The following KANK1 variants were observed in gnomAD, a reference collection of about 807,000 sequenced individuals.
The protein encoded by KANK1 is KN motif and ankyrin repeat domain-containing protein 1.
In KANK1, 109 loss-of-function variants were observed where a neutral mutation model predicts 106.2. That is an observed-to-expected ratio of 1.03 (90% confidence interval 0.88 to 1.20). KANK1 has a LOEUF of 1.20. Ranked by LOEUF, KANK1 falls within the 50% of genes most tolerant of loss-of-function variation. The pLI, the probability that KANK1 is intolerant of heterozygous loss-of-function variation, is 0.00. For synonymous variants in KANK1, 873 were observed against 652.2 expected (o/e 1.34, Z -5.16); for missense variants, 2,399 against 1,710.7 (o/e 1.40, Z -7.10).
intron 1 of KANK1, among the ~76,000 whole-genome samples, chr9:511,883 GT>G (rs1375681876): frequency 6.6e-6 from 1 of 152,080 alleles, no homozygotes; most frequent in Non-Finnish European, 1.5e-5. Flanking sequence ...GTTTTATGGT[GT>G]TTTGGATTCT....
At chr9:665,174 A>C (rs1172612522) in intron 1 of KANK1, among the ~76,000 whole-genome samples, 1 of 152,130 alleles carries the variant, frequency 6.6e-6, no homozygotes, top group Non-Finnish European at 1.5e-5. Flanking sequence ...AGCTTGATGT[A>C]ATCCCATTTG....
intron 2 of KANK1, among the ~76,000 whole-genome samples, chr9:682,954 A>G (rs1458243204): frequency 6.6e-6 from 1 of 152,138 alleles, no homozygotes; most frequent in Non-Finnish European, 1.5e-5. Context: ...CGTTTCTCAA[A>G]CAGAACTCTG....
chr9:676,933 C>G lies in KANK1; in HGVS notation c.-40C>G, dbSNP rs1816533217. On this transcript the variant is annotated 5_prime_UTR_variant, in exon 2 of 12. Transcript: ENST00000382297. The stretch of plus-strand genomic sequence containing the variant: ...CTTGATGCATAAAATTTGCATGACT[C>G]CTCACTCCTTTCTGGATCTCTCATT... 1 of 1,594,376 alleles carries G rather than the reference C, an allele frequency of 6.3e-7. No individual in the cohort carries two copies. Among genetic ancestry groups the G allele is most frequent in the Non-Finnish European group, 8.6e-7 (1 of 1,164,278 alleles).
chr9:557,935 G>T (rs1587794492), intron 1 of KANK1, among the ~76,000 whole-genome samples: 1 of 152,274 alleles, frequency 6.6e-6, no homozygotes, highest in African/African-American at 2.4e-5. Context: ...AGCCTGGGTG[G>T]TTGAGGCTAC....
chr9:597,911 C>T (rs1407823259), intron 1 of KANK1, among the ~76,000 whole-genome samples: 3 of 151,466 alleles, frequency 2.0e-5, no homozygotes, highest in Non-Finnish European at 2.9e-5. Context: ...GTGATCCACC[C>T]GCCTCAGCCT....
At position 542,844 on chromosome 9, in the gene KANK1, A is replaced by C. The variant is rs1048814272; in HGVS notation, c.-84+38090A>C. ...TTATATGTGGTATCCAAGAAAGTCAAACTCTCACAGAAGCTGAGAGCGGAG... is the reference window on the plus strand; with the variant it reads ...TTATATGTGGTATCCAAGAAAGTCACACTCTCACAGAAGCTGAGAGCGGAG... On this transcript the variant is annotated intron_variant, in intron 1 of 11. Coordinates refer to ENST00000382297, the MANE Select transcript of KANK1 (RefSeq NM_015158.5). Among the ~76,000 whole-genome samples, 4 of 108,306 alleles carry C rather than the reference A, an allele frequency of 3.7e-5. No homozygotes were observed. The South Asian group carries it at 1.1e-3, about 29-fold the overall frequency. The allele number at this position is 108,306 out of a possible 152,430, so 71.1% of individuals were successfully genotyped here. A position where few individuals can be genotyped will look rare whatever the true frequency, so the allele number is the denominator to read the frequency against.
At chr9:535,635 G>T (rs891370762) in intron 1 of KANK1, among the ~76,000 whole-genome samples, 4 of 152,230 alleles carry the variant, frequency 2.6e-5, no homozygotes, top group African/African-American at 9.6e-5. Flanking sequence ...CTGAGTGACA[G>T]AGTTGTCCCT....
intron 3 of KANK1, among the ~76,000 whole-genome samples, chr9:473,946 C>T (rs759132478): frequency 4.0e-5 from 6 of 149,202 alleles, no homozygotes; most frequent in African/African-American, 7.8e-5. Flanking sequence ...GATCTGCCCA[C>T]CTCGGCCTCC....
intron 1 of KANK1, among the ~76,000 whole-genome samples, chr9:642,458 G>C (rs1191213473): frequency 1.3e-5 from 2 of 150,978 alleles, no homozygotes; most frequent in Non-Finnish European, 2.9e-5. Context: ...GTAGAGCTTA[G>C]CTGGCAGGCC....
chr9:581,212 A>T (rs1013482539), intron 1 of KANK1, among the ~76,000 whole-genome samples: 21 of 152,128 alleles, frequency 1.4e-4, no homozygotes, highest in African/African-American at 5.1e-4. Context: ...CAGCCCAGAG[A>T]GGGGCTCCCA....
intron 2 of KANK1, among the ~76,000 whole-genome samples, chr9:685,171 G>A (rs1488812635): frequency 6.6e-6 from 1 of 152,204 alleles, no homozygotes; most frequent in Non-Finnish European, 1.5e-5. Context: ...CTTTTGAGCT[G>A]CAGTTCATTA....
At chr9:549,281 G>C (rs2061128978) in intron 1 of KANK1, 1 of 152,462 alleles carries the variant, frequency 6.6e-6, no homozygotes, top group African/African-American at 2.4e-5. Context: ...GGATGTGACT[G>C]TGTGCCAGGT....
At chr9:523,286 C>G (rs1424463738) in intron 1 of KANK1, among the ~76,000 whole-genome samples, 5 of 151,666 alleles carry the variant, frequency 3.3e-5, no homozygotes, top group Non-Finnish European at 7.3e-5. Context: ...ACTTTGTAAT[C>G]ATCTTCACTC....
In KANK1 at chr9:495,519, T is replaced by C. The variant is rs186005075; in HGVS notation, c.-362+22246T>C. ...AGTGTTGAGGACCACTAGGTAAGCA[T>C]GCTATCTTCAACGTTAAAAAAAAAA... On this transcript the variant is annotated intron_variant, in intron 3 of 15. Transcript: ENST00000382303. The C allele has an allele frequency of 1.1e-4, 17 of 152,214 alleles. 1 individual carries two copies. The highest frequency in any genetic ancestry group is 1.6e-4 in the Non-Finnish European group (11 of 68,024). 9.4% of individuals were successfully genotyped at this position (152,214 alleles called of 1,614,324 possible).
intron 1 of KANK1, among the ~76,000 whole-genome samples, chr9:595,477 G>A (rs1009639359): frequency 2.0e-5 from 3 of 151,854 alleles, no homozygotes; most frequent in African/African-American, 4.9e-5. Context: ...AGCCTGCTGC[G>A]ATATAGGGTG....
chr9:731,448 G>T, intron 5 of KANK1, 182 bp downstream of exon 5: 1 of 490,518 alleles, frequency 2.0e-6, no homozygotes, highest in South Asian at 2.2e-5. Flanking sequence ...TGTCTTTAAG[G>T]ATTTGTCACT....
intron 6 of KANK1, chr9:734,453 G>C (rs1589286751): frequency 7.3e-6 from 2 of 275,860 alleles, no homozygotes; most frequent in Non-Finnish European, 1.4e-5. Context: ...ATCACCTGAG[G>C]TCAGGAGTTC....
intron 1 of KANK1, among the ~76,000 whole-genome samples, chr9:665,649 G>A (rs1044420611): frequency 6.6e-6 from 1 of 152,112 alleles, no homozygotes; most frequent in South Asian, 2.1e-4. Context: ...TTGGTTATTT[G>A]TGGTTCCATA....
intron 1 of KANK1, among the ~76,000 whole-genome samples, chr9:614,695 G>C (rs184438877): frequency 1.1e-3 from 164 of 152,244 alleles, no homozygotes; most frequent in African/African-American, 3.8e-3. Flanking sequence ...CTCCTGGGGT[G>C]GGGCCAGTAC....
Sources: gnomAD v4.1 joint callset for allele counts (sites outside exome capture counted in the v4.1 genomes callset) on GRCh38, gnomAD v4.1.1 for gene constraint, MANE v1.5 for transcripts, NCBI Gene and HGNC (gene_info 2026-07-23, HGNC 2026-07-21) for gene names.